The following BST1 variants were observed in gnomAD, a reference collection of about 807,000 sequenced individuals.
BST1 encodes bone marrow stromal cell antigen 1, also known as ADP-ribosyl cyclase/cyclic ADP-ribose hydrolase 2.
A neutral mutation model predicts 40.6 loss-of-function variants in BST1; 49 were observed. The ratio of observed to expected loss-of-function variants is 1.21; its 90% CI spans 0.96 to 1.53. BST1 has a LOEUF of 1.53. Ranked by LOEUF, BST1 falls within the 40% of genes most tolerant of loss-of-function variation. The probability of loss-of-function intolerance (pLI) is 0.00; values close to 1 mark genes in which losing one functional copy is unlikely to be tolerated. For synonymous variants in BST1, 157 were observed against 159.3 expected (o/e 0.99, Z 0.11); for missense variants, 423 against 395.9 (o/e 1.07, Z -0.58).
At chr4:15,725,141 G>A (rs984179693) in intron 8 of BST1, among the ~76,000 whole-genome samples, 2 of 152,172 alleles carry the variant, frequency 1.3e-5, no homozygotes, top group African/African-American at 4.8e-5. Flanking sequence ...TTGATCCAAT[G>A]TGGGTAGGTT....
At chr4:15,732,999 C>T (rs934649032), downstream of BST1, among the ~76,000 whole-genome samples, 8 of 152,108 alleles carry the variant, frequency 5.3e-5, no homozygotes, top group South Asian at 2.1e-4. Context: ...CGGACCTTCG[C>T]GGCAAGTGTT....
chr4:15,773,510 C>A, the BST1 span, among the ~76,000 whole-genome samples: 1 of 152,204 alleles, frequency 6.6e-6, no homozygotes, highest in Non-Finnish European at 1.5e-5. Context: ...TCTTTTGCCC[C>A]CACTTCAGTT....
chr4:15,746,750 A>G, the BST1 span, among the ~76,000 whole-genome samples: 1 of 152,200 alleles, frequency 6.6e-6, no homozygotes, highest in East Asian at 1.9e-4. Context: ...TGTTTACTTC[A>G]TCTTTCCTAC....
the BST1 span, among the ~76,000 whole-genome samples, chr4:15,755,226 C>A: frequency 6.6e-6 from 1 of 152,140 alleles, no homozygotes; most frequent in East Asian, 1.9e-4. Context: ...GCAACCTCCG[C>A]CTCCCAGGTT....
In BST1 at chr4:15,715,701, T is replaced by C; in HGVS notation, c.612-6T>C. The C allele has an allele frequency of 1.3e-6, 2 of 1,571,784 alleles. No individual in the cohort carries two copies. Among genetic ancestry groups the C allele is most frequent in the African/African-American group, 1.4e-5 (1 of 73,428 alleles). On this transcript the variant is annotated splice_region_variant and splice_polypyrimidine_tract_variant and intron_variant, in intron 5 of 8. Transcript: ENST00000265016. Reference sequence around the variant, plus strand: ...TTGCTTTAGGGCTTCAAGAAATGTTTCTCAGTTTTTTTGCAGATTATGAAA... The same window carrying C: ...TTGCTTTAGGGCTTCAAGAAATGTTCCTCAGTTTTTTTGCAGATTATGAAA...
chr4:15,716,986 A>C (rs1473172059), intron 6 of BST1, among the ~76,000 whole-genome samples: 7 of 152,114 alleles, frequency 4.6e-5, no homozygotes, highest in Non-Finnish European at 1.0e-4. Context: ...CATGTTGGCC[A>C]GGCTGGTCTT....
chr4:15,746,152 A>G, the BST1 span, among the ~76,000 whole-genome samples: 3 of 152,236 alleles, frequency 2.0e-5, no homozygotes, highest in Admixed American at 1.3e-4. Flanking sequence ...AAATACCACC[A>G]TCTGGTACTG....
chr4:15,756,010 T>A, the BST1 span, among the ~76,000 whole-genome samples: 1 of 152,080 alleles, frequency 6.6e-6, no homozygotes, highest in Admixed American at 6.6e-5. Flanking sequence ...ACTAAACAGT[T>A]CTCCCAGTCT....
At chr4:15,735,155 C>T (rs1721509057), downstream of BST1, among the ~76,000 whole-genome samples, 1 of 152,150 alleles carries the variant, frequency 6.6e-6, no homozygotes, top group South Asian at 2.1e-4. Flanking sequence ...GCCCTGTCTC[C>T]CATCTGGCAG....
At chr4:15,754,595 A>G in the BST1 span, among the ~76,000 whole-genome samples, 1 of 152,184 alleles carries the variant, frequency 6.6e-6, no homozygotes, top group African/African-American at 2.4e-5. Flanking sequence ...CTGCACACAT[A>G]CTTTATTTTG....
chr4:15,705,290 T>A (rs1719816692), intron 1 of BST1, among the ~76,000 whole-genome samples: 1 of 151,990 alleles, frequency 6.6e-6, no homozygotes, highest in African/African-American at 2.4e-5. Flanking sequence ...AAGGCTGTAT[T>A]CCTTAGCTCT....
chr4:15,736,259 C>T (rs4698413), downstream of BST1: 252,032 of 484,852 alleles, frequency 0.52, 70,476 homozygotes, highest in South Asian at 0.6. Flanking sequence ...CTGAGTGCAT[C>T]GTCCTCTTGC....
At chr4:15,767,163 C>A in the BST1 span, among the ~76,000 whole-genome samples, 1 of 150,170 alleles carries the variant, frequency 6.7e-6, no homozygotes, top group Non-Finnish European at 1.5e-5. Flanking sequence ...TGGCAAGGAG[C>A]GGATAACCCT....
chr4:15,769,196 A>G, the BST1 span, among the ~76,000 whole-genome samples: 2 of 152,364 alleles, frequency 1.3e-5, no homozygotes, highest in Middle Eastern at 3.4e-3. Context: ...TTAGCCGGTG[A>G]ATCCGATGAA....
chr4:15,716,563 T>C (rs1335615899), intron 6 of BST1, among the ~76,000 whole-genome samples: 1 of 152,228 alleles, frequency 6.6e-6, no homozygotes, highest in African/African-American at 2.4e-5. Flanking sequence ...TGTGTCCGTG[T>C]TGGCCCCCAG....
chr4:15,722,883 A>C lies in BST1; in HGVS notation c.800A>C (p.Lys267Thr). 1 of 1,613,142 alleles carries C rather than the reference A, an allele frequency of 6.2e-7. No individual in the cohort carries two copies. Among genetic ancestry groups the C allele is most frequent in the Non-Finnish European group, 8.5e-7 (1 of 1,179,266 alleles). Residue 267 changes from lysine to threonine, a missense_variant, in exon 8 of 9, where the codon AAG becomes ACG. Physicochemically the swap from Lys to Thr is moderately conservative, Grantham distance 78. Transcript: ENST00000265016. ...YSCINDYRPV[K>T]LLQCVDHSTH... ...TTATTTTCTTTCTGTAGACCAGTGA[A>C]GCTCTTACAGTGCGTGGACCACAGC...
the BST1 span, among the ~76,000 whole-genome samples, chr4:15,767,583 G>A: frequency 6.7e-6 from 1 of 150,354 alleles, no homozygotes; most frequent in East Asian, 2.0e-4. Flanking sequence ...GGTTACAAGC[G>A]TGAGCCACCG....
chr4:15,729,206 C>A (rs1721263986), intron 8 of BST1, among the ~76,000 whole-genome samples: 1 of 152,146 alleles, frequency 6.6e-6, no homozygotes, highest in Non-Finnish European at 1.5e-5. Flanking sequence ...AACCGTAGCA[C>A]TTTGGGAGTT....
chr4:15,731,193 C>A, intron 8 of BST1: 1 of 436,984 alleles, frequency 2.3e-6, no homozygotes, highest in South Asian at 2.2e-5. Flanking sequence ...CCACTTTGGC[C>A]ACCATGTTTT....
Sources: allele counts gnomAD v4.1 joint callset (sites outside exome capture counted in the v4.1 genomes callset), GRCh38; gene constraint gnomAD v4.1.1; transcripts MANE v1.5; gene names NCBI Gene and HGNC (gene_info 2026-07-23, HGNC 2026-07-21).